Variants in LUZP2 observed in about 807,000 individuals in gnomAD.
LUZP2 encodes leucine zipper protein 2.
Under a neutral mutation model 51.6 loss-of-function variants are expected in LUZP2, and 52 were observed. The observed-to-expected ratio is 1.01, with a 90% CI of 0.81 to 1.27. The LOEUF is 1.27. LUZP2 is among the 50% of genes most tolerant of loss of function. The pLI is 0.00. For missense variants in LUZP2, 436 were observed against 395.4 expected (o/e 1.10, Z -0.87); for synonymous variants, 154 against 137.3 (o/e 1.12, Z -0.85).
Position 24,765,488 on chromosome 11 carries a change from T to A in LUZP2, c.396+2180T>A, listed in dbSNP as rs939598435. 3.9e-5 allele frequency among the ~76,000 whole-genome samples: 6 copies of A among 152,314 alleles called. 1 individual carries two copies. Among genetic ancestry groups the A allele is most frequent in the Admixed American group, 3.9e-4 (6 of 15,286 alleles). On this transcript the variant is annotated intron_variant, in intron 5 of 11. Transcript: ENST00000336930. ...TAAAGGGATCCTGGATTTTATCAAA[T>A]GCTTTTTCTGCATCTATTGAGACAA...
intron 1 of LUZP2, among the ~76,000 whole-genome samples, chr11:24,527,577 A>T (rs1198328899): frequency 1.4e-5 from 2 of 142,826 alleles, no homozygotes; most frequent in Non-Finnish European, 3.0e-5. Context: ...TCACACACAC[A>T]CACACACACA....
At chr11:25,077,473 ATTTTTATTTAT>A (rs1013410530) in intron 11 of LUZP2, 67 bp downstream of exon 11, 36 of 626,134 alleles carry the variant, frequency 5.7e-5, no homozygotes, top group Non-Finnish European at 7.5e-5. Context: ...TTATTTATTT[ATTTTTATTTAT>A]ATTATTTTTT....
At chr11:25,023,059 T>C (rs7929174) in intron 9 of LUZP2, among the ~76,000 whole-genome samples, 71,684 of 151,922 alleles carry the variant, frequency 0.47, 17,400 homozygotes, top group Non-Finnish European at 0.51. Flanking sequence ...GCCAGCATTT[T>C]ATTGAGGGTT....
chr11:24,844,376 G>T (rs1170453359), intron 5 of LUZP2, among the ~76,000 whole-genome samples: 3 of 152,174 alleles, frequency 2.0e-5, no homozygotes, highest in African/African-American at 7.2e-5. Context: ...TCTGGCAGAA[G>T]AAATTTGTAA....
chr11:25,029,578 A>G (rs1857586847), intron 9 of LUZP2, among the ~76,000 whole-genome samples: 1 of 151,974 alleles, frequency 6.6e-6, no homozygotes, highest in South Asian at 2.1e-4. Context: ...CTCTGCTAAA[A>G]TTACAAAAAT....
chr11:24,569,776 A>T (rs960579209), intron 1 of LUZP2, among the ~76,000 whole-genome samples: 3 of 152,056 alleles, frequency 2.0e-5, no homozygotes, highest in Admixed American at 2.0e-4. Flanking sequence ...GAGCACCTAA[A>T]CTGCTGACAT....
intron 1 of LUZP2, among the ~76,000 whole-genome samples, chr11:24,682,022 C>T (rs1374920315): frequency 6.6e-6 from 1 of 152,152 alleles, no homozygotes; most frequent in East Asian, 1.9e-4. Flanking sequence ...ATTGATTTTC[C>T]TTATCTACAT....
intron 1 of LUZP2, among the ~76,000 whole-genome samples, chr11:24,678,080 G>C (rs891788044): frequency 5.8e-5 from 8 of 137,536 alleles, no homozygotes; most frequent in Admixed American, 1.4e-4. Flanking sequence ...GAGAAAGGGG[G>C]GGGGGGGTGA....
rs188969033 is a variant in LUZP2 at position 24,574,000 on chromosome 11, G to A, written c.62+76695G>A. On this transcript the variant is annotated intron_variant, in intron 1 of 11. Coordinates refer to ENST00000336930, the MANE Select transcript of LUZP2 (RefSeq NM_001009909.4). The stretch of plus-strand genomic sequence containing the variant: ...CCCATTAACTCATCATTTAGCATTA[G>A]GTATATCTCCTAATGCTGTGTTTTA... 2.2e-4 allele frequency among the ~76,000 whole-genome samples: 33 copies of A among 151,440 alleles called. 2 individuals are homozygous for A. The highest frequency in any genetic ancestry group is 7.5e-4 in the African/African-American group (31 of 41,358).
At chr11:24,825,200 T>C (rs555699613) in intron 5 of LUZP2, among the ~76,000 whole-genome samples, 1 of 152,328 alleles carries the variant, frequency 6.6e-6, no homozygotes, top group South Asian at 2.1e-4. Context: ...AAAAAAATTA[T>C]GTTTCCATGA....
intron 1 of LUZP2, among the ~76,000 whole-genome samples, chr11:24,647,357 G>A (rs538212172): frequency 1.3e-5 from 2 of 151,788 alleles, no homozygotes; most frequent in Non-Finnish European, 2.9e-5. Flanking sequence ...TGTGAATGCA[G>A]CCAGTATTTA....
intron 9 of LUZP2, among the ~76,000 whole-genome samples, chr11:25,009,704 T>G (rs550630263): frequency 2.6e-5 from 4 of 152,318 alleles, no homozygotes; most frequent in African/African-American, 9.6e-5. Context: ...ACCAAAGGCA[T>G]TGTGATTTTA....
At chr11:24,562,713 T>G (rs1273029322) in intron 1 of LUZP2, among the ~76,000 whole-genome samples, 7 of 109,644 alleles carry the variant, frequency 6.4e-5, no homozygotes, top group Admixed American at 5.5e-4. Context: ...AAAAAAAAAA[T>G]TACCTGGGCG....
At chr11:24,868,589 A>G (rs1246202724) in intron 5 of LUZP2, among the ~76,000 whole-genome samples, 4 of 152,172 alleles carry the variant, frequency 2.6e-5, no homozygotes, top group Non-Finnish European at 5.9e-5. Flanking sequence ...AGAAGAAATT[A>G]TATTTTCTCC....
At chr11:24,497,352 G>T in intron 1 of LUZP2, 47 bp downstream of exon 1, 1 of 1,423,580 alleles carries the variant, frequency 7.0e-7, no homozygotes, top group Non-Finnish European at 9.3e-7. Flanking sequence ...CGCTGCCGGG[G>T]CGAGGTTGGT....
At chr11:24,499,379 C>G (rs1849919833) in intron 1 of LUZP2, among the ~76,000 whole-genome samples, 2 of 152,168 alleles carry the variant, frequency 1.3e-5, no homozygotes, top group African/African-American at 4.8e-5. Flanking sequence ...TTAAAGATCT[C>G]TAACAGAAGG....
chr11:25,040,448 G>T lies in LUZP2; in HGVS notation c.766-9590G>T, dbSNP rs150787886. Among the ~76,000 whole-genome samples, 66 of 145,726 alleles carry T rather than the reference G, an allele frequency of 4.5e-4. 1 individual carries two copies. The highest frequency in any genetic ancestry group is 3.6e-3 in the Admixed American group (51 of 14,152). On this transcript the variant is annotated intron_variant, in intron 9 of 11. Coordinates refer to ENST00000336930, the MANE Select transcript of LUZP2 (RefSeq NM_001009909.4). ...CTCAAGGTGAACAGTAACAAATTCTGTCAACCACTTTCACACAAGTAGAAA... is the reference window on the plus strand; with the variant it reads ...CTCAAGGTGAACAGTAACAAATTCTTTCAACCACTTTCACACAAGTAGAAA...
In LUZP2 at chr11:24,671,764, G is replaced by T. The variant is rs149287427; in HGVS notation, c.63-57405G>T. On this transcript the variant is annotated intron_variant, in intron 1 of 11. Transcript: ENST00000336930. The stretch of plus-strand genomic sequence containing the variant: ...CTTGAACATTACACGAACCTAGTTG[G>T]AACGTGTACTAAATCTTCCAAAACA... Among the ~76,000 whole-genome samples, 91 of 152,172 alleles carry T rather than the reference G, an allele frequency of 6.0e-4. 1 individual carries two copies. Among genetic ancestry groups the T allele is most frequent in the African/African-American group, 2.1e-3 (87 of 41,546 alleles).
intron 1 of LUZP2, among the ~76,000 whole-genome samples, chr11:24,650,105 A>G (rs1471017423): frequency 4.6e-5 from 7 of 151,854 alleles, no homozygotes; most frequent in African/African-American, 1.4e-4. Context: ...CATCCATTCA[A>G]AATCCTTTGC....
Sources: allele counts gnomAD v4.1 joint callset (sites outside exome capture counted in the v4.1 genomes callset), GRCh38; gene constraint gnomAD v4.1.1; transcripts MANE v1.5; gene names NCBI Gene and HGNC (gene_info 2026-07-23, HGNC 2026-07-21).